Variants in JMY observed in about 807,000 individuals in gnomAD.
JMY encodes junction mediating and regulatory protein, p53 cofactor, also known as junction-mediating and -regulatory protein.
Under a neutral mutation model 103.3 loss-of-function variants are expected in JMY, and 46 were observed. That is an observed-to-expected ratio of 0.45 (90% confidence interval 0.35 to 0.57). The LOEUF is 0.57. Among genes scored for constraint, JMY ranks in the 20% least tolerant of loss-of-function variants. JMY has a pLI of 0.00. For missense variants in JMY, 1,238 were observed against 1,255.2 expected, an observed-to-expected ratio of 0.99 and a Z score of 0.21; for synonymous variants, 526 against 489.3, an observed-to-expected ratio of 1.07 and a Z score of -0.99.
At chr5:79,270,180 C>T (rs1282739612) in intron 1 of JMY, among the ~76,000 whole-genome samples, 1 of 151,504 alleles carries the variant, frequency 6.6e-6, no homozygotes, top group Non-Finnish European at 1.5e-5. Context: ...ACTTTCAGTA[C>T]TATGTTAAAT....
chr5:79,245,826 G>A (rs1373979734), intron 1 of JMY, among the ~76,000 whole-genome samples: 8 of 152,052 alleles, frequency 5.3e-5, no homozygotes, highest in Non-Finnish European at 1.0e-4. Context: ...GGTTTTCACT[G>A]TGTTGGCCAG....
intron 1 of JMY, among the ~76,000 whole-genome samples, chr5:79,240,432 T>G (rs546921736): frequency 6.6e-6 from 1 of 152,076 alleles, no homozygotes; most frequent in South Asian, 2.1e-4. Context: ...TTGCTCAGCC[T>G]CCCAAGTAGC....
chr5:79,252,236 A>G (rs569808433), intron 1 of JMY, among the ~76,000 whole-genome samples: 4 of 151,634 alleles, frequency 2.6e-5, no homozygotes, highest in Non-Finnish European at 1.5e-5. Context: ...ATTCAGGAGC[A>G]TATTGTTTAA....
intron 2 of JMY, chr5:79,284,630 G>A: frequency 2.6e-6 from 4 of 1,555,404 alleles, no homozygotes; most frequent in Non-Finnish European, 3.5e-6. Flanking sequence ...ATGGAAGTTA[G>A]GCAGTTTTTA....
At chr5:79,265,503 G>A (rs1212056950) in intron 1 of JMY, among the ~76,000 whole-genome samples, 1 of 151,978 alleles carries the variant, frequency 6.6e-6, no homozygotes, top group Non-Finnish European at 1.5e-5. Context: ...AATGTTGCTG[G>A]TCCCAGACCA....
At chr5:79,240,022 CT>C (rs572765239) in intron 1 of JMY, among the ~76,000 whole-genome samples, 62 of 144,470 alleles carry the variant, frequency 4.3e-4, no homozygotes, top group Middle Eastern at 3.5e-3. Flanking sequence ...TTTTTTCTTT[CT>C]TTTTTTTTTT....
chr5:79,298,829 T>G (rs1746641802), intron 4 of JMY, among the ~76,000 whole-genome samples: 1 of 152,222 alleles, frequency 6.6e-6, no homozygotes, highest in Non-Finnish European at 1.5e-5. Context: ...ATATTCTAAT[T>G]ATTGGGTAAG....
At chr5:79,306,539 G>A in intron 7 of JMY, 78 bp downstream of exon 7, 1 of 1,023,208 alleles carries the variant, frequency 9.8e-7, no homozygotes, top group Non-Finnish European at 1.5e-6. Context: ...TGTAGAGAAT[G>A]ATAAAAAAAC....
intron 1 of JMY, among the ~76,000 whole-genome samples, chr5:79,251,651 G>A (rs1237437782): frequency 4.1e-5 from 6 of 146,708 alleles, no homozygotes; most frequent in East Asian, 2.0e-4. Flanking sequence ...CCCATTAGCC[G>A]CCCCCACCTC....
intron 4 of JMY, among the ~76,000 whole-genome samples, chr5:79,299,094 G>A (rs558718872): frequency 1.3e-5 from 2 of 152,086 alleles, no homozygotes; most frequent in East Asian, 3.9e-4. Context: ...TGTTCCTCTC[G>A]TCTCCTCCTT....
At chr5:79,254,824 A>C (rs1745189186) in intron 1 of JMY, among the ~76,000 whole-genome samples, 1 of 148,598 alleles carries the variant, frequency 6.7e-6, no homozygotes, top group Admixed American at 6.7e-5. Flanking sequence ...GTCACACTTC[A>C]TTGTTTTCTC....
At chr5:79,240,854 A>T (rs1744718079) in intron 1 of JMY, among the ~76,000 whole-genome samples, 1 of 152,220 alleles carries the variant, frequency 6.6e-6, no homozygotes, top group Non-Finnish European at 1.5e-5. Context: ...AACATTTTTT[A>T]AGGTAACATT....
At chr5:79,284,685 TTCA>T (rs1746217781) in intron 2 of JMY, 1 of 1,589,824 alleles carries the variant, frequency 6.3e-7, no homozygotes, top group Admixed American at 1.7e-5. Flanking sequence ...TAAGTGCAAC[TTCA>T]TCATTCTGCA....
chr5:79,255,391 C>A (rs1387655553), intron 1 of JMY, among the ~76,000 whole-genome samples: 1 of 152,142 alleles, frequency 6.6e-6, no homozygotes, highest in Non-Finnish European at 1.5e-5. Context: ...GCCACTGCAC[C>A]TGGCCACATA....
At chr5:79,308,708 A>G (rs1281497447) in intron 7 of JMY, among the ~76,000 whole-genome samples, 1 of 152,116 alleles carries the variant, frequency 6.6e-6, no homozygotes, top group East Asian at 1.9e-4. Context: ...TCATTTTAAA[A>G]TACTTCTTCT....
chr5:79,253,299 C>CTT (rs1014418192), intron 1 of JMY, among the ~76,000 whole-genome samples: 5 of 148,564 alleles, frequency 3.4e-5, no homozygotes, highest in African/African-American at 1.2e-4. Context: ...ATCATTTAAT[C>CTT]TTTTTTTTTT....
chr5:79,268,417 G>A (rs189487982), intron 1 of JMY, among the ~76,000 whole-genome samples: 56 of 152,108 alleles, frequency 3.7e-4, no homozygotes, highest in Admixed American at 3.9e-4. Context: ...GTATGTATTG[G>A]TATCTCATTT....
At chr5:79,242,202 A>G (rs1483475327) in intron 1 of JMY, among the ~76,000 whole-genome samples, 1 of 152,214 alleles carries the variant, frequency 6.6e-6, no homozygotes, top group East Asian at 1.9e-4. Flanking sequence ...TGTAAGCCAC[A>G]TAATAAATAG....
chr5:79,270,072 A>G (rs1481591027), intron 1 of JMY, among the ~76,000 whole-genome samples: 2 of 151,944 alleles, frequency 1.3e-5, no homozygotes, highest in East Asian at 1.9e-4. Flanking sequence ...TTCATTTTCT[A>G]CATGGACAAA....
Sources: gnomAD v4.1 joint callset for allele counts (sites outside exome capture counted in the v4.1 genomes callset) on GRCh38, gnomAD v4.1.1 for gene constraint, MANE v1.5 for transcripts, NCBI Gene and HGNC (gene_info 2026-07-23, HGNC 2026-07-21) for gene names.